ABRAXAS1: variants seen among roughly 807,000 people sequenced by gnomAD.
ABRAXAS1 encodes BRCA1-A complex subunit Abraxas 1.
ABRAXAS1 carries 26 observed loss-of-function variants against 38.4 expected under a neutral mutation model. The ratio of observed to expected loss-of-function variants is 0.68; its 90% CI spans 0.50 to 0.94. The LOEUF (loss-of-function observed/expected upper bound fraction) is 0.94. Among genes scored for constraint, ABRAXAS1 ranks in the 40% least tolerant of loss-of-function variants. ABRAXAS1 has a pLI of 0.00. For missense variants in ABRAXAS1, 438 were observed against 481.9 expected (o/e 0.91, Z 0.85); for synonymous variants, 144 against 165.5 (o/e 0.87, Z 1.00).
rs1722525903 is a variant in ABRAXAS1, at chr4:83,470,183, A to AGTGACT, written c.476+14_476+19dup. On this transcript the variant is annotated intron_variant, in intron 5 of 8. Transcript: ENST00000321945. The stretch of plus-strand genomic sequence containing the variant: ...ATTTTTCTATTAGTTTAATACAGCC[A>AGTGACT]GTGACTGGCCAACATTTACCCTTTT... 6.3e-7 allele frequency: 1 copy of AGTGACT among 1,587,432 alleles called. No homozygotes were observed. The highest frequency in any genetic ancestry group is 1.4e-5 in the African/African-American group (1 of 73,822).
intron 7 of ABRAXAS1, among the ~76,000 whole-genome samples, chr4:83,465,264 C>T (rs531203314): frequency 7.6e-6 from 1 of 131,738 alleles, no homozygotes; most frequent in East Asian, 2.4e-4. Context: ...CCATTCATTG[C>T]ACTCCAGTCC....
intron 1 of ABRAXAS1, 136 bp downstream of exon 1, chr4:83,484,850 G>C (rs906947093): frequency 4.6e-6 from 3 of 650,404 alleles, no homozygotes; most frequent in Admixed American, 7.2e-5. Context: ...GGGGAGAGAA[G>C]GCAGAGCCGC....
At chr4:83,483,495 C>G (rs1287776382) in intron 1 of ABRAXAS1, among the ~76,000 whole-genome samples, 5 of 152,074 alleles carry the variant, frequency 3.3e-5, no homozygotes, top group Non-Finnish European at 7.4e-5. Flanking sequence ...GTTGCCCACG[C>G]TGGTCTTGAA....
chr4:83,469,130 T>TAAAG lies in ABRAXAS1; in HGVS notation c.494_497dup (p.Leu166PhefsTer11). On this transcript the variant is annotated frameshift_variant, in exon 6 of 9. Coordinates refer to ENST00000321945, the MANE Select transcript of ABRAXAS1 (RefSeq NM_139076.3). LOFTEE classifies it high-confidence loss of function. ...CAGACATGCCCAGATTGGCAACCAC[T>TAAAG]AAAGGTACCCTGTGAAAAAGTCTGA... 6.2e-7 allele frequency: 1 copy of TAAAG among 1,613,780 alleles called. No individual in the cohort carries two copies. Among genetic ancestry groups the TAAAG allele is most frequent in the Non-Finnish European group, 8.5e-7 (1 of 1,179,822 alleles).
Position 83,459,671 on chromosome 4 carries a change from T to G in ABRAXAS1, c.*2798A>C. 7.0e-7 allele frequency: 1 copy of G among 1,430,038 alleles called. No individual in the cohort carries two copies. Among genetic ancestry groups the G allele is most frequent in the Non-Finnish European group, 9.7e-7 (1 of 1,031,070 alleles). 88.6% of individuals were successfully genotyped at this position (1,430,038 alleles called of 1,614,324 possible). ...TTTATATAACCTGAAGGTTGTTTTT[T>G]GAAATTTACACATTCAGAAATAAAT... is the stretch of plus-strand genomic sequence containing the variant. On this transcript the variant is annotated 3_prime_UTR_variant, in exon 9 of 9. Coordinates refer to ENST00000321945, the MANE Select transcript of ABRAXAS1 (RefSeq NM_139076.3).
Position 83,462,396 on chromosome 4 carries a change from T to C in ABRAXAS1, c.*73A>G, listed in dbSNP as rs774564381. ...TGAACTTACTGCAAGTAGCTCAACATAGTAAAAACAATAGAAATGTTTGGC... is the reference window on the plus strand; with the variant it reads ...TGAACTTACTGCAAGTAGCTCAACACAGTAAAAACAATAGAAATGTTTGGC... On this transcript the variant is annotated 3_prime_UTR_variant, in exon 9 of 9. Transcript: ENST00000321945. 4.5e-6 allele frequency: 6 copies of C among 1,330,828 alleles called. No individual in the cohort carries two copies. The highest frequency in any genetic ancestry group is 4.6e-5 in the East Asian group (2 of 43,446). The allele number at this position is 1,330,828 out of a possible 1,614,324, so 82.4% of individuals were successfully genotyped here.
At chr4:83,471,043 TTA>T (rs1309335708) in intron 4 of ABRAXAS1, among the ~76,000 whole-genome samples, 1 of 152,178 alleles carries the variant, frequency 6.6e-6, no homozygotes, top group Non-Finnish European at 1.5e-5. Flanking sequence ...AGCAACTAAA[TTA>T]TATATTTGCA....
chr4:83,481,735 AAATT>A (rs1189987497), intron 2 of ABRAXAS1, among the ~76,000 whole-genome samples: 2 of 152,092 alleles, frequency 1.3e-5, no homozygotes, highest in African/African-American at 4.8e-5. Context: ...AATTATTTTA[AAATT>A]AATATATATT....
chr4:83,477,660 A>G (rs879792022), intron 2 of ABRAXAS1: 6 of 546,512 alleles, frequency 1.1e-5, no homozygotes, highest in Admixed American at 2.0e-5. Context: ...AGGTAGGTTC[A>G]AGGCCAAAGC....
chr4:83,470,361 T>C lies in ABRAXAS1; in HGVS notation c.318A>G (p.Ser106=). The C allele has an allele frequency of 6.2e-7, 1 of 1,613,652 alleles. No individual in the cohort carries two copies. The highest frequency in any genetic ancestry group is 8.5e-7 in the Non-Finnish European group (1 of 1,179,712). The change falls in exon 5 of 9, where the codon TCA becomes TCG. Residue 106 remains serine (S), a synonymous_variant. Coordinates refer to ENST00000321945, the MANE Select transcript of ABRAXAS1 (RefSeq NM_139076.3). ...TCTCTCTAAACGTCATGATCTGATC[T>C]GAATGACGACGGAATTTGTACCAAC... ...VVGWYKFRRH[S]DQIMTFRERL...
intron 2 of ABRAXAS1, chr4:83,477,758 T>C: frequency 1.5e-6 from 1 of 672,348 alleles, no homozygotes; most frequent in South Asian, 1.4e-5. Flanking sequence ...ATTGGCTCTG[T>C]ATTCAGGAAT....
At chr4:83,484,949 C>G in intron 1 of ABRAXAS1, 37 bp downstream of exon 1, 1 of 1,534,342 alleles carries the variant, frequency 6.5e-7, no homozygotes, top group Middle Eastern at 1.9e-4. Context: ...GGGCTCTTCC[C>G]AGGCGACGCC....
At chr4:83,477,799 T>G (rs1388050833) in intron 2 of ABRAXAS1, 9 of 771,530 alleles carry the variant, frequency 1.2e-5, no homozygotes, top group Non-Finnish European at 2.1e-5. Context: ...AAGCATCATA[T>G]GGCACCATTA....
intron 2 of ABRAXAS1, chr4:83,477,818 A>T: frequency 1.2e-6 from 1 of 805,152 alleles, no homozygotes; most frequent in Non-Finnish European, 2.2e-6. Flanking sequence ...TAAAATTGGG[A>T]TTTACCAAAG....
In ABRAXAS1 at chr4:83,462,280, GC is replaced by G. The variant is rs1297180777; in HGVS notation, c.*188del. ...GTGAAAAAAAGGTTTGGAAATAAAA[GC>G]ATCTGATGTTTGAAAAAGTACTTTG... On this transcript the variant is annotated 3_prime_UTR_variant, in exon 9 of 9. Transcript: ENST00000321945. 1 of 558,052 alleles carries G rather than the reference GC, an allele frequency of 1.8e-6. No individual in the cohort carries two copies. The highest frequency in any genetic ancestry group is 3.1e-6 in the Non-Finnish European group (1 of 321,192). The allele number at this position is 558,052 out of a possible 1,614,324, so 34.6% of individuals were successfully genotyped here. A position where few individuals can be genotyped will look rare whatever the true frequency, so the allele number is the denominator to read the frequency against.
At chr4:83,474,175 AT>A (rs1722682712) in intron 3 of ABRAXAS1, among the ~76,000 whole-genome samples, 7 of 146,926 alleles carry the variant, frequency 4.8e-5, no homozygotes, top group African/African-American at 1.9e-4. Context: ...AAATAAATAA[AT>A]AAATAAAATC....
chr4:83,480,246 C>A lies in ABRAXAS1; in HGVS notation c.178+1908G>T, dbSNP rs943101346. 11 of 260,908 alleles carry A rather than the reference C, an allele frequency of 4.2e-5. 1 individual carries two copies. In the East Asian group the frequency reaches 1.8e-3, roughly 42 times the overall value. The allele number at this position is 260,908 out of a possible 1,614,324, so 16.2% of individuals were successfully genotyped here. A position where few individuals can be genotyped will look rare whatever the true frequency, so the allele number is the denominator to read the frequency against. On this transcript the variant is annotated intron_variant, in intron 2 of 8. Transcript: ENST00000321945. ...AATTAGCCGGGCATGGTTGCGTGTG[C>A]CTGTAATCCCAGCTACTCCGGAGGC...
chr4:83,464,955 C>T (rs905671057), intron 7 of ABRAXAS1, among the ~76,000 whole-genome samples: 2 of 152,070 alleles, frequency 1.3e-5, no homozygotes, highest in Non-Finnish European at 2.9e-5. Flanking sequence ...CTATTTTAGC[C>T]CAAGTTGGTA....
chr4:83,462,922 A>G lies in ABRAXAS1; in HGVS notation c.797-20T>C. On this transcript the variant is annotated intron_variant, in intron 8 of 8. Transcript: ENST00000321945. ...TCTCTCCTAAACAAAATAGAATAAC[A>G]GTTCAACATATAACATTTCTTCTAC... 6.9e-7 allele frequency: 1 copy of G among 1,447,954 alleles called. No individual in the cohort carries two copies. The highest frequency in any genetic ancestry group is 9.3e-7 in the Non-Finnish European group (1 of 1,070,944). 89.7% of individuals were successfully genotyped at this position (1,447,954 alleles called of 1,614,324 possible).
Sources: gnomAD v4.1 joint callset for allele counts (sites outside exome capture counted in the v4.1 genomes callset) on GRCh38, gnomAD v4.1.1 for gene constraint, MANE v1.5 for transcripts, NCBI Gene and HGNC (gene_info 2026-07-23, HGNC 2026-07-21) for gene names.